Variants in SPECC1L observed in about 807,000 individuals in gnomAD.
The protein encoded by SPECC1L is cytospin-A.
SPECC1L carries 40 observed loss-of-function variants against 116.8 expected under a neutral mutation model. The ratio of observed to expected loss-of-function variants is 0.34; its 90% CI spans 0.27 to 0.45. SPECC1L has a LOEUF of 0.45. Among genes scored for constraint, SPECC1L ranks in the 20% least tolerant of loss-of-function variants. SPECC1L has a pLI of 1.00. For synonymous variants in SPECC1L, 504 were observed against 500.6 expected, an observed-to-expected ratio of 1.01 and a Z score of -0.09; for missense variants, 1,110 against 1,373.6, an observed-to-expected ratio of 0.81 and a Z score of 3.03.
chr22:24,318,966 A>G (rs959779607), intron 4 of SPECC1L, among the ~76,000 whole-genome samples: 5 of 150,806 alleles, frequency 3.3e-5, no homozygotes, highest in Non-Finnish European at 5.9e-5. Context: ...TGGCCTCCGT[A>G]TACAGTTGTT....
At chr22:24,365,027 A>G (rs2041725898) in intron 12 of SPECC1L, among the ~76,000 whole-genome samples, 1 of 151,940 alleles carries the variant, frequency 6.6e-6, no homozygotes, top group Non-Finnish European at 1.5e-5. Context: ...TGTTTTTGAG[A>G]TGGAGTCTCT....
rs776150820 is a variant in SPECC1L at position 24,377,712 on chromosome 22, C to T, written c.3087+8392C>T. 7.2e-5 allele frequency among the ~76,000 whole-genome samples: 11 copies of T among 152,246 alleles called. 1 individual carries two copies. The highest frequency in any genetic ancestry group is 1.6e-4 in the Non-Finnish European group (11 of 68,022). Reference sequence around the variant, plus strand: ...GACAGGAAAACAACATTAATCTCCTCGTATCATCATTAGAGCTCCTGGCTG... The same window carrying T: ...GACAGGAAAACAACATTAATCTCCTTGTATCATCATTAGAGCTCCTGGCTG... On this transcript the variant is annotated intron_variant, in intron 14 of 16. Transcript: ENST00000314328.
chr22:24,330,043 G>A (rs959117506), intron 7 of SPECC1L, among the ~76,000 whole-genome samples: 3 of 151,998 alleles, frequency 2.0e-5, no homozygotes, highest in Non-Finnish European at 2.9e-5. Flanking sequence ...CAGATCAGCT[G>A]GAAAATCTTT....
chr22:24,323,389 T>C (rs1018850645), intron 5 of SPECC1L, among the ~76,000 whole-genome samples: 6 of 152,242 alleles, frequency 3.9e-5, no homozygotes, highest in Non-Finnish European at 5.9e-5. Flanking sequence ...TTTTGGCATA[T>C]AGAGGCTCCT....
At chr22:24,353,312 C>T (rs2041462070) in intron 11 of SPECC1L, among the ~76,000 whole-genome samples, 1 of 152,174 alleles carries the variant, frequency 6.6e-6, no homozygotes, top group African/African-American at 2.4e-5. Context: ...CACTCTTCCC[C>T]TGTCTCACAT....
At chr22:24,272,940 T>A (rs1448504856) in intron 1 of SPECC1L, among the ~76,000 whole-genome samples, 1 of 152,200 alleles carries the variant, frequency 6.6e-6, no homozygotes, top group African/African-American at 2.4e-5. Context: ...CTTGACATTT[T>A]CAGTAAGAAA....
At chr22:24,374,220 C>T (rs1421706225) in intron 14 of SPECC1L, among the ~76,000 whole-genome samples, 1 of 151,940 alleles carries the variant, frequency 6.6e-6, no homozygotes, top group Non-Finnish European at 1.5e-5. Flanking sequence ...GTGGCGATTC[C>T]TCAGGGATCT....
At chr22:24,402,983 G>C (rs1331248861) in intron 14 of SPECC1L, among the ~76,000 whole-genome samples, 1 of 152,108 alleles carries the variant, frequency 6.6e-6, no homozygotes, top group East Asian at 1.9e-4. Flanking sequence ...CTACAGTTGG[G>C]GTTTCCATCC....
chr22:24,412,484 C>T, intron 15 of SPECC1L, 164 bp from the exon 16 acceptor site: 1 of 710,936 alleles, frequency 1.4e-6, no homozygotes, highest in South Asian at 1.5e-5. Context: ...GTGCAGGGTA[C>T]TTGGTGCAGA....
At chr22:24,271,012 G>A (rs1480945970) in intron 1 of SPECC1L, 29 bp downstream of exon 1, 1 of 152,340 alleles carries the variant, frequency 6.6e-6, no homozygotes, top group Non-Finnish European at 1.5e-5. Flanking sequence ...TTCCCGCAGT[G>A]TTCGCTGGCG....
chr22:24,386,897 C>A (rs930843768), intron 14 of SPECC1L, among the ~76,000 whole-genome samples: 2 of 152,172 alleles, frequency 1.3e-5, no homozygotes, highest in Non-Finnish European at 2.9e-5. Flanking sequence ...AGCCACTGCA[C>A]CTGGCCCTCA....
intron 11 of SPECC1L, among the ~76,000 whole-genome samples, chr22:24,362,325 G>T (rs1250421174): frequency 6.6e-6 from 1 of 152,210 alleles, no homozygotes; most frequent in Non-Finnish European, 1.5e-5. Flanking sequence ...CCAGGATTAG[G>T]AGGGAATAGA....
At chr22:24,320,826 G>T (rs2040706463) in intron 4 of SPECC1L, among the ~76,000 whole-genome samples, 1 of 152,136 alleles carries the variant, frequency 6.6e-6, no homozygotes, top group African/African-American at 2.4e-5. Flanking sequence ...TTTTCCCAGA[G>T]ACTGCTTTTC....
At chr22:24,298,898 A>G (rs908243353) in intron 2 of SPECC1L, among the ~76,000 whole-genome samples, 8 of 152,350 alleles carry the variant, frequency 5.3e-5, no homozygotes, top group South Asian at 2.1e-4. Flanking sequence ...TGGGCACCCC[A>G]TGATGCAGTC....
chr22:24,298,170 A>C (rs796383238), intron 2 of SPECC1L, among the ~76,000 whole-genome samples: 8 of 147,850 alleles, frequency 5.4e-5, no homozygotes, highest in African/African-American at 2.1e-4. Flanking sequence ...AATAGGCTTC[A>C]TGTTAGATGA....
chr22:24,306,725 T>C (rs903081446), intron 3 of SPECC1L, among the ~76,000 whole-genome samples: 4 of 152,194 alleles, frequency 2.6e-5, no homozygotes, highest in Non-Finnish European at 5.9e-5. Flanking sequence ...TTCACATTGT[T>C]GTGCAACCAT....
chr22:24,319,912 T>C (rs2040686148), intron 4 of SPECC1L, among the ~76,000 whole-genome samples: 2 of 151,980 alleles, frequency 1.3e-5, no homozygotes, highest in South Asian at 2.1e-4. Context: ...AAATTTGTTA[T>C]TTCTTAAGTA....
chr22:24,389,750 C>T (rs1374632916), intron 14 of SPECC1L, among the ~76,000 whole-genome samples: 1 of 152,072 alleles, frequency 6.6e-6, no homozygotes, highest in Non-Finnish European at 1.5e-5. Context: ...TTCACAGCTT[C>T]CTTTGTAATA....
intron 14 of SPECC1L, among the ~76,000 whole-genome samples, chr22:24,386,265 G>T (rs1365460125): frequency 6.6e-6 from 1 of 152,002 alleles, no homozygotes; most frequent in Non-Finnish European, 1.5e-5. Context: ...CAGAGATGAG[G>T]AAAGAGACAA....
Sources: allele counts gnomAD v4.1 joint callset (sites outside exome capture counted in the v4.1 genomes callset), GRCh38; gene constraint gnomAD v4.1.1; transcripts MANE v1.5; gene names NCBI Gene and HGNC (gene_info 2026-07-23, HGNC 2026-07-21).